Variants in RBFOX1 observed in about 807,000 individuals in gnomAD.
RBFOX1 encodes RNA binding protein fox-1 homolog 1.
RBFOX1 carries 8 observed loss-of-function variants against 57.7 expected under a neutral mutation model. The observed-to-expected ratio is 0.14, with a 90% CI of 0.08 to 0.25. RBFOX1 has a LOEUF of 0.25. RBFOX1 is among the 10% of genes least tolerant of loss of function. The probability of loss-of-function intolerance (pLI) is 1.00; values close to 1 mark genes in which losing one functional copy is unlikely to be tolerated. For missense variants in RBFOX1, 611 were observed against 548.5 expected (o/e 1.11, Z -1.14); for synonymous variants, 326 against 222.4 (o/e 1.47, Z -4.15).
At chr16:7,220,304 T>C (rs750190438) in intron 4 of RBFOX1, among the ~76,000 whole-genome samples, 1 of 152,208 alleles carries the variant, frequency 6.6e-6, no homozygotes, top group Non-Finnish European at 1.5e-5. Context: ...TGACATTTCA[T>C]CATGCTGAGT....
chr16:5,979,962 C>T (rs1333483424), intron 4 of RBFOX1, among the ~76,000 whole-genome samples: 1 of 152,102 alleles, frequency 6.6e-6, no homozygotes, highest in Non-Finnish European at 1.5e-5. Flanking sequence ...GGATTTGAAC[C>T]CAGACAGTCT....
chr16:6,390,095 G>T (rs1158209989), intron 2 of RBFOX1, among the ~76,000 whole-genome samples: 2 of 152,210 alleles, frequency 1.3e-5, no homozygotes. Context: ...TGAAAGCCGT[G>T]TCTGCACTGT....
At chr16:6,680,114 A>G (rs1316770887) in intron 3 of RBFOX1, among the ~76,000 whole-genome samples, 1 of 151,954 alleles carries the variant, frequency 6.6e-6, no homozygotes, top group African/African-American at 2.4e-5. Flanking sequence ...CTCATCTGTA[A>G]AATGGGGTCA....
intron 3 of RBFOX1, among the ~76,000 whole-genome samples, chr16:6,760,122 A>T (rs954922601): frequency 2.6e-5 from 4 of 152,182 alleles, no homozygotes; most frequent in African/African-American, 4.8e-5. Flanking sequence ...GGAAGGTAGA[A>T]ATATGTTTTC....
chr16:5,851,752 G>A (rs146809277), intron 3 of RBFOX1, among the ~76,000 whole-genome samples: 3 of 152,280 alleles, frequency 2.0e-5, no homozygotes, highest in African/African-American at 7.2e-5. Flanking sequence ...AAGAGTCATT[G>A]TTCATGTCCG....
chr16:5,775,292 C>T (rs2054109615), intron 3 of RBFOX1, among the ~76,000 whole-genome samples: 1 of 152,178 alleles, frequency 6.6e-6, no homozygotes, highest in African/African-American at 2.4e-5. Flanking sequence ...TCTCACCCCA[C>T]ACACCTTTCT....
intron 4 of RBFOX1, among the ~76,000 whole-genome samples, chr16:5,971,034 T>A (rs917053207): frequency 1.3e-5 from 2 of 152,236 alleles, no homozygotes; most frequent in Non-Finnish European, 2.9e-5. Context: ...TACCAGAGGA[T>A]GCTCCCTGTG....
At chr16:6,782,467 A>G (rs919512194) in intron 3 of RBFOX1, among the ~76,000 whole-genome samples, 1 of 152,020 alleles carries the variant, frequency 6.6e-6, no homozygotes, top group Non-Finnish European at 1.5e-5. Flanking sequence ...AGTTCCTCTT[A>G]TTGATCTCTT....
Position 6,586,674 on chromosome 16 carries a change from G to C in RBFOX1, c.-63-67929G>C, listed in dbSNP as rs138999169. On this transcript the variant is annotated intron_variant, in intron 2 of 15. Transcript: ENST00000550418. ...GCTGTTCCCTTAAAGTGGCAAGATG[G>C]CTTCCAGCAGGGATACGCTTACATC... 2.3e-3 allele frequency among the ~76,000 whole-genome samples: 348 copies of C among 152,166 alleles called. 3 individuals are homozygous for C. Among genetic ancestry groups the C allele is most frequent in the Non-Finnish European group, 3.3e-3 (227 of 68,022 alleles).
intron 4 of RBFOX1, among the ~76,000 whole-genome samples, chr16:5,885,793 G>T (rs957749044): frequency 3.9e-5 from 6 of 152,150 alleles, no homozygotes; most frequent in Non-Finnish European, 8.8e-5. Flanking sequence ...ATCTGCATCA[G>T]ACCAGGTGCC....
chr16:5,406,192 A>C (rs2066860999), intron 1 of RBFOX1, among the ~76,000 whole-genome samples: 2 of 152,188 alleles, frequency 1.3e-5, no homozygotes, highest in Admixed American at 1.3e-4. Flanking sequence ...ATGCCCAGAT[A>C]GCTAGTTAAA....
At chr16:5,676,147 C>A (rs1646786085) in intron 3 of RBFOX1, among the ~76,000 whole-genome samples, 1 of 151,906 alleles carries the variant, frequency 6.6e-6, no homozygotes, top group Non-Finnish European at 1.5e-5. Context: ...TCAAGCAGGG[C>A]TTAAAACCTA....
In RBFOX1 at chr16:6,542,483, C is replaced by CTTT. The variant is rs71145245; in HGVS notation, c.-63-112098_-63-112096dup. Among the ~76,000 whole-genome samples the CTTT allele has an allele frequency of 1.8e-4, 10 of 55,728 alleles. 1 individual carries two copies. The highest frequency in any genetic ancestry group is 7.6e-4 in the African/African-American group (10 of 13,232). The allele number at this position is 55,728 out of a possible 152,430, so 36.6% of individuals were successfully genotyped here. ...CCACTGCCCTGTGTGGGACCATAGT[C>CTTT]TTTTTTTTTTTTTTTTTTTTTTTTG... On this transcript the variant is annotated intron_variant, in intron 2 of 15. Coordinates refer to ENST00000550418, the MANE Select transcript of RBFOX1 (RefSeq NM_018723.4).
chr16:7,169,287 A>G (rs563780600), intron 4 of RBFOX1, among the ~76,000 whole-genome samples: 6 of 152,346 alleles, frequency 3.9e-5, no homozygotes, highest in South Asian at 2.1e-4. Context: ...TTGAGTTTCT[A>G]TGAGATACTA....
intron 1 of RBFOX1, among the ~76,000 whole-genome samples, chr16:6,033,982 G>A (rs761710346): frequency 2.6e-5 from 4 of 152,146 alleles, no homozygotes; most frequent in Non-Finnish European, 5.9e-5. Context: ...CCTATTGGAA[G>A]TGTCTTAGTC....
intron 2 of RBFOX1, among the ~76,000 whole-genome samples, chr16:5,511,740 T>A (rs148928238): frequency 2.0e-5 from 3 of 152,298 alleles, no homozygotes; most frequent in African/African-American, 7.2e-5. Context: ...TTGGCCTGAT[T>A]CCAGCATTGA....
intron 3 of RBFOX1, among the ~76,000 whole-genome samples, chr16:6,854,977 G>C (rs991938713): frequency 6.6e-6 from 1 of 151,862 alleles, no homozygotes; most frequent in African/African-American, 2.4e-5. Context: ...GTTAATGCTT[G>C]GACTAATCTT....
intron 3 of RBFOX1, among the ~76,000 whole-genome samples, chr16:6,868,308 T>C (rs1366931036): frequency 1.3e-5 from 2 of 152,108 alleles, no homozygotes; most frequent in Non-Finnish European, 2.9e-5. Flanking sequence ...TTTGCTGAAG[T>C]AAGAGGATGG....
At chr16:7,084,696 T>G (rs999307614) in intron 4 of RBFOX1, among the ~76,000 whole-genome samples, 5 of 152,214 alleles carry the variant, frequency 3.3e-5, no homozygotes, top group African/African-American at 1.2e-4. Flanking sequence ...CTAAGTGAAA[T>G]GAGGTTTCTC....
Sources: gnomAD v4.1 joint callset for allele counts (sites outside exome capture counted in the v4.1 genomes callset) on GRCh38, gnomAD v4.1.1 for gene constraint, MANE v1.5 for transcripts, NCBI Gene and HGNC (gene_info 2026-07-23, HGNC 2026-07-21) for gene names.